TNS3: variants seen among roughly 807,000 people sequenced by gnomAD.
TNS3 encodes the protein tensin 3.
A neutral mutation model predicts 140.9 loss-of-function variants in TNS3; 45 were observed. That is an observed-to-expected ratio of 0.32 (90% confidence interval 0.25 to 0.41). The LOEUF is 0.41. TNS3 is among the 10% of genes least tolerant of loss of function. The probability of loss-of-function intolerance (pLI) is 1.00; values close to 1 mark genes in which losing one functional copy is unlikely to be tolerated. For synonymous variants in TNS3, 815 were observed against 788.4 expected (o/e 1.03, Z -0.56); for missense variants, 1,716 against 1,906.7 (o/e 0.90, Z 1.86).
chr7:47,574,626 G>GACACACACACAC (rs3066624), intron 1 of TNS3, among the ~76,000 whole-genome samples: 6 of 145,654 alleles, frequency 4.1e-5, no homozygotes, highest in African/African-American at 1.4e-4. Context: ...TATTCATACA[G>GACACACACACAC]ACACACACAC....
rs571863332 is a variant in TNS3, at chr7:47,409,608, AG to A, written c.723+2118del. ...GGTAGAACACTACGCAAACAAGATG[AG>A]GGCGGGTGCAAATCCTACCAGCATC... On this transcript the variant is annotated intron_variant, in intron 13 of 30. Transcript: ENST00000311160. Among the ~76,000 whole-genome samples, 11 of 151,996 alleles carry A rather than the reference AG, an allele frequency of 7.2e-5. No individual in the cohort carries two copies. In the South Asian group the frequency reaches 2.3e-3, roughly 32 times the overall value.
chr7:47,415,123 T>C lies in TNS3; in HGVS notation c.557A>G (p.His186Arg), dbSNP rs779502255. Residue 186 changes from histidine to arginine, a missense_variant, in exon 11 of 31, where the codon CAC (histidine) becomes CGC (arginine). His to Arg is a conservative substitution (Grantham distance 29, BLOSUM62 0). Around this residue, in one of 3 missense-constraint regions of TNS3, gnomAD observed 337 missense variants for 428.9 expected, o/e 0.79. Coordinates refer to ENST00000311160, the MANE Select transcript of TNS3 (RefSeq NM_022748.12). The stretch of plus-strand genomic sequence containing the variant: ...ACCTGTGTCGAAGTTGGGGGTGCCG[T>C]GGAGGATGACAAAATGCAGGAACAG... ...SPLFLHFVIL[H>R]GTPNFDTGGV... 3.7e-6 allele frequency: 6 copies of C among 1,611,946 alleles called. No homozygotes were observed. Among genetic ancestry groups the C allele is most frequent in the Non-Finnish European group, 4.2e-6 (5 of 1,179,266 alleles).
intron 15 of TNS3, among the ~76,000 whole-genome samples, chr7:47,398,110 G>A (rs1170463984): frequency 6.6e-6 from 1 of 151,984 alleles, no homozygotes; most frequent in Admixed American, 6.6e-5. Flanking sequence ...GATTAAATCA[G>A]GAAGAAATAG....
intron 13 of TNS3, among the ~76,000 whole-genome samples, chr7:47,401,177 A>G (rs1334189803): frequency 6.6e-6 from 1 of 152,212 alleles, no homozygotes; most frequent in Non-Finnish European, 1.5e-5. Context: ...CTCCTGTGGA[A>G]CCGCAGCTCT....
At chr7:47,375,826 T>C (rs1239816190) in intron 16 of TNS3, among the ~76,000 whole-genome samples, 3 of 152,206 alleles carry the variant, frequency 2.0e-5, no homozygotes, top group Non-Finnish European at 4.4e-5. Context: ...TCATCACTGA[T>C]GTGTAATCCA....
At chr7:47,441,858 G>A in intron 5 of TNS3, 145 bp downstream of exon 5, 2 of 571,860 alleles carry the variant, frequency 3.5e-6, no homozygotes, top group Non-Finnish European at 5.8e-6. Context: ...AACCTGGCCT[G>A]TATCACCTTT....
chr7:47,483,823 C>T (rs576142538), intron 3 of TNS3, among the ~76,000 whole-genome samples: 9 of 152,226 alleles, frequency 5.9e-5, no homozygotes, highest in Non-Finnish European at 1.2e-4. Context: ...CCGGCTCGCG[C>T]GATAAGTTGG....
intron 1 of TNS3, among the ~76,000 whole-genome samples, chr7:47,570,292 C>G (rs1800523321): frequency 6.6e-6 from 1 of 152,220 alleles, no homozygotes; most frequent in Admixed American, 6.5e-5. Flanking sequence ...TTGAAGGAAA[C>G]AAACCCCACA....
chr7:47,532,474 G>A (rs369284713), intron 1 of TNS3, among the ~76,000 whole-genome samples: 4 of 152,112 alleles, frequency 2.6e-5, no homozygotes, highest in South Asian at 2.1e-4. Flanking sequence ...CCTCTCTGCC[G>A]AGAGCTTCAG....
chr7:47,533,443 A>T (rs334515), intron 1 of TNS3, among the ~76,000 whole-genome samples: 50,124 of 147,584 alleles, frequency 0.34, 8,805 homozygotes, highest in East Asian at 0.47. Flanking sequence ...TTTTTTTTTT[A>T]AAAGACAAAG....
chr7:47,329,534 C>T (rs955781428), intron 20 of TNS3, among the ~76,000 whole-genome samples: 2 of 152,184 alleles, frequency 1.3e-5, no homozygotes, highest in Admixed American at 6.5e-5. Flanking sequence ...TCAGGGCCAC[C>T]GCTCCGCACA....
chr7:47,389,065 A>AGCG lies in TNS3; in HGVS notation c.1024+7734_1024+7735insCGC, dbSNP rs1562674973. On this transcript the variant is annotated intron_variant, in intron 16 of 30. Coordinates refer to ENST00000311160, the MANE Select transcript of TNS3 (RefSeq NM_022748.12). ...AAGAAGAAGAAGAAGAAGAAGAAGAAGAAGAAGAAGAAGAAGAAGAGGAAG... is the reference window on the plus strand; with the variant it reads ...AAGAAGAAGAAGAAGAAGAAGAAGAAGCGGAAGAAGAAGAAGAAGAAGAGGAAG... Among the ~76,000 whole-genome samples the AGCG allele has an allele frequency of 8.9e-5, 4 of 44,818 alleles. 1 individual carries two copies. The highest frequency in any genetic ancestry group is 1.3e-4 in the Non-Finnish European group (3 of 23,098). 29.4% of individuals were successfully genotyped at this position (44,818 alleles called of 152,430 possible).
At chr7:47,391,989 G>C (rs532464265) in intron 16 of TNS3, among the ~76,000 whole-genome samples, 19 of 152,286 alleles carry the variant, frequency 1.2e-4, no homozygotes, top group African/African-American at 3.9e-4. Context: ...AGGCTACCAG[G>C]GTCCCTGGCC....
At chr7:47,321,930 C>T (rs1007498903) in intron 20 of TNS3, among the ~76,000 whole-genome samples, 2 of 152,150 alleles carry the variant, frequency 1.3e-5, no homozygotes, top group African/African-American at 4.8e-5. Flanking sequence ...ACTGCTGAAG[C>T]TTCCCTCCTG....
intron 17 of TNS3, among the ~76,000 whole-genome samples, chr7:47,362,651 C>T (rs527659569): frequency 6.6e-6 from 1 of 152,216 alleles, no homozygotes; most frequent in South Asian, 2.1e-4. Context: ...AATGAAGGTA[C>T]CTAAAACAGT....
At chr7:47,365,778 ATAAAG>A (rs1790663302) in intron 17 of TNS3, among the ~76,000 whole-genome samples, 1 of 152,286 alleles carries the variant, frequency 6.6e-6, no homozygotes, top group Non-Finnish European at 1.5e-5. Flanking sequence ...AAATAAAAAA[ATAAAG>A]TAATGAGTTT....
chr7:47,560,611 G>A (rs1426213256), intron 1 of TNS3, among the ~76,000 whole-genome samples: 3 of 152,126 alleles, frequency 2.0e-5, no homozygotes, highest in South Asian at 2.1e-4. Flanking sequence ...CTGTGGTCCC[G>A]CTGGCTGCTC....
rs1488269074 is a variant in TNS3, at chr7:47,276,400, C to G, written c.*1676G>C. ...GCCTGTTTCTAAGTTTTCCTCGGCCCCTCACTTTAAAGCAGAGTTCACAAA... is the reference window on the plus strand; with the variant it reads ...GCCTGTTTCTAAGTTTTCCTCGGCCGCTCACTTTAAAGCAGAGTTCACAAA... On this transcript the variant is annotated 3_prime_UTR_variant, in exon 31 of 31. Transcript: ENST00000311160. 6.6e-6 allele frequency: 1 copy of G among 152,622 alleles called. No homozygotes were observed. Among genetic ancestry groups the G allele is most frequent in the Non-Finnish European group, 1.5e-5 (1 of 68,292 alleles). The allele number at this position is 152,622 out of a possible 1,614,324, so 9.5% of individuals were successfully genotyped here.
At chr7:47,540,356 C>T (rs1799749628) in intron 1 of TNS3, among the ~76,000 whole-genome samples, 1 of 152,156 alleles carries the variant, frequency 6.6e-6, no homozygotes, top group African/African-American at 2.4e-5. Context: ...GGAAGAGAGG[C>T]TACATCTCAA....
Sources: allele counts gnomAD v4.1 joint callset (sites outside exome capture counted in the v4.1 genomes callset), GRCh38; gene constraint gnomAD v4.1.1; regional missense constraint gnomAD v4.1.1; transcripts MANE v1.5; gene names NCBI Gene and HGNC (gene_info 2026-07-23, HGNC 2026-07-21).